Variants in ZNF75D observed in about 807,000 individuals in gnomAD.
The protein encoded by ZNF75D is zinc finger protein 75D.
In ZNF75D, 33 loss-of-function variants were observed where a neutral mutation model predicts 33.3. The ratio of observed to expected loss-of-function variants is 0.99; its 90% CI spans 0.75 to 1.32. ZNF75D has a LOEUF of 1.32. Ranked by LOEUF, ZNF75D falls within the 40% of genes most tolerant of loss-of-function variation. The pLI is 0.00. For synonymous variants in ZNF75D, 113 were observed against 130.6 expected, an observed-to-expected ratio of 0.87 and a Z score of 0.92; for missense variants, 338 against 367.5, an observed-to-expected ratio of 0.92 and a Z score of 0.66.
At chrX:135,305,768 C>T (rs1305777952) in intron 1 of ZNF75D, among the ~76,000 whole-genome samples, 1 of 110,972 alleles carries the variant, frequency 9.0e-6, no homozygotes, top group Non-Finnish European at 1.9e-5. Flanking sequence ...CACCCCCAGA[C>T]TCTGCAATGT....
intron 2 of ZNF75D, chrX:135,252,625 AT>A (rs1301620493): frequency 1.2e-5 from 1 of 81,590 alleles, no homozygotes; most frequent in Non-Finnish European, 2.3e-5. Context: ...GGCAAATCCT[AT>A]TTGAAGCTAA....
At chrX:135,303,287 T>C (rs11799010) in intron 1 of ZNF75D, among the ~76,000 whole-genome samples, 27,492 of 109,563 alleles carry the variant, frequency 0.25, 2,816 homozygotes, top group South Asian at 0.43. Flanking sequence ...AGACCCTTCA[T>C]GGGTGTCGGG....
At chrX:135,308,300 G>A (rs2084313958) in intron 1 of ZNF75D, among the ~76,000 whole-genome samples, 1 of 112,213 alleles carries the variant, frequency 8.9e-6, no homozygotes, top group East Asian at 2.8e-4. Flanking sequence ...AAGAAGTCAT[G>A]TTTCCTCTCA....
chrX:135,344,012 G>A lies in ZNF75D; in HGVS notation c.-2635C>T, dbSNP rs1161280160. 8.9e-6 allele frequency: 1 copy of A among 112,482 alleles called. No individual in the cohort carries two copies. Among genetic ancestry groups the A allele is most frequent in the African/African-American group, 3.2e-5 (1 of 30,954 alleles). The allele number at this position is 112,482 out of a possible 1,213,427, so 9.3% of individuals were successfully genotyped here. A position where few individuals can be genotyped will look rare whatever the true frequency, so the allele number is the denominator to read the frequency against. On this transcript the variant is annotated 5_prime_UTR_variant, in exon 1 of 7. Coordinates refer to ENST00000370766, the MANE Select transcript of ZNF75D (RefSeq NM_007131.5). ...ACACGCAGAAAGTCCTAGCACGGAAGTTTGGCGTCCACAGACCAATTTGTC... is the reference window on the plus strand; with the variant it reads ...ACACGCAGAAAGTCCTAGCACGGAAATTTGGCGTCCACAGACCAATTTGTC...
Position 135,287,102 on chromosome X carries a change from C to A in ZNF75D, c.*35G>T. 9.1e-7 allele frequency: 1 copy of A among 1,103,174 alleles called. No homozygotes were observed. The highest frequency in any genetic ancestry group is 2.9e-5 in the Admixed American group (1 of 34,514). 90.9% of individuals were successfully genotyped at this position (1,103,174 alleles called of 1,213,427 possible). On this transcript the variant is annotated 3_prime_UTR_variant, in exon 7 of 7. Transcript: ENST00000370766. ...GCCTCATAATTTTGTATTCTTTCAC[C>A]ACTTCTAAAGTCAAGCTCTACATGG...
chrX:135,338,095 C>T (rs1474531943), intron 1 of ZNF75D, among the ~76,000 whole-genome samples: 2 of 111,155 alleles, frequency 1.8e-5, no homozygotes, highest in African/African-American at 3.3e-5. Flanking sequence ...ATCAGAGACA[C>T]AATGAGCAGA....
intron 1 of ZNF75D, among the ~76,000 whole-genome samples, chrX:135,257,817 A>G (rs2083812965): frequency 8.9e-6 from 1 of 111,839 alleles, no homozygotes; most frequent in Non-Finnish European, 1.9e-5. Flanking sequence ...TTTTATTATT[A>G]TTATTATCAT....
chrX:135,270,309 A>G (rs950346690), intron 1 of ZNF75D, among the ~76,000 whole-genome samples: 10 of 97,834 alleles, frequency 1.0e-4, no homozygotes, highest in Non-Finnish European at 1.7e-4. Flanking sequence ...CCAATTGTTC[A>G]TGATGTAATT....
chrX:135,257,642 C>T (rs1247974894), intron 1 of ZNF75D, among the ~76,000 whole-genome samples: 1 of 112,606 alleles, frequency 8.9e-6, no homozygotes, highest in African/African-American at 3.2e-5. Context: ...GTGATGGCTT[C>T]ACGTCAGGCC....
chrX:135,293,949 A>C lies in ZNF75D; in HGVS notation c.192T>G (p.Leu64=), dbSNP rs1556422019. The C allele has an allele frequency of 1.7e-6, 2 of 1,211,501 alleles. No homozygotes were observed. Among genetic ancestry groups the C allele is most frequent in the Non-Finnish European group, 2.2e-6 (2 of 895,267 alleles). The change falls in exon 3 of 7, where the codon CTT becomes CTG. Residue 64 remains leucine, a synonymous_variant. Coordinates refer to ENST00000370766, the MANE Select transcript of ZNF75D (RefSeq NM_007131.5). ...ATTTCTGAAGTTGGCTGATAGTCTC[A>C]AGCGGTCCGGTTGCTTCATGATAAC... ...SFRYHEATGP[L]ETISQLQKLC...
At chrX:135,250,501 G>T (rs2083777603) in intron 3 of ZNF75D, among the ~76,000 whole-genome samples, 1 of 107,332 alleles carries the variant, frequency 9.3e-6, no homozygotes, top group South Asian at 4.0e-4. Context: ...GTGCCAAAAA[G>T]ATTCTGACAC....
chrX:135,307,943 A>C lies in ZNF75D; in HGVS notation c.-390-11904T>G, dbSNP rs782568119. ...CTACCCAGGGAACCTGGCAAGATGC[A>C]GTGGGTGCTGTAATCTACACAAAGG... On this transcript the variant is annotated intron_variant, in intron 1 of 6. Coordinates refer to ENST00000370766, the MANE Select transcript of ZNF75D (RefSeq NM_007131.5). Among the ~76,000 whole-genome samples the C allele has an allele frequency of 3.6e-5, 4 of 112,514 alleles. No homozygotes were observed. The East Asian group carries it at 1.1e-3, about 32-fold the overall frequency.
chrX:135,325,558 G>A (rs1443179388), intron 1 of ZNF75D, among the ~76,000 whole-genome samples: 2 of 112,260 alleles, frequency 1.8e-5, no homozygotes, highest in East Asian at 2.9e-4. Flanking sequence ...GCAGCCGGCC[G>A]GCCCTGCCGG....
At chrX:135,284,693 G>C (rs1258610139), downstream of ZNF75D, among the ~76,000 whole-genome samples, 1 of 111,915 alleles carries the variant, frequency 8.9e-6, no homozygotes, top group South Asian at 3.8e-4. Context: ...CATGTTCCCT[G>C]CTCTCAAACC....
intron 1 of ZNF75D, among the ~76,000 whole-genome samples, chrX:135,334,197 G>A (rs1416176731): frequency 8.9e-6 from 1 of 111,860 alleles, no homozygotes; most frequent in Non-Finnish European, 1.9e-5. Flanking sequence ...ATCTGTAAAT[G>A]ATTTTTTGGT....
intron 1 of ZNF75D, among the ~76,000 whole-genome samples, chrX:135,262,181 T>TC (rs782708866): frequency 5.3e-5 from 6 of 112,278 alleles, no homozygotes; most frequent in Non-Finnish European, 1.1e-4. Context: ...CTGATGGGCT[T>TC]CCCTTTGTGG....
intron 1 of ZNF75D, among the ~76,000 whole-genome samples, chrX:135,318,075 A>G (rs2084444519): frequency 1.0e-5 from 1 of 96,860 alleles, no homozygotes; most frequent in African/African-American, 3.9e-5. Context: ...GGCTTGATAT[A>G]TATATATATA....
At chrX:135,318,070 G>GATAT (rs1556432533) in intron 1 of ZNF75D, among the ~76,000 whole-genome samples, 8 of 92,262 alleles carry the variant, frequency 8.7e-5, no homozygotes, top group Admixed American at 1.2e-4. Context: ...GCAATGGCTT[G>GATAT]ATATATATAT....
chrX:135,320,618 G>A (rs978036304), intron 1 of ZNF75D, among the ~76,000 whole-genome samples: 11 of 111,447 alleles, frequency 9.9e-5, no homozygotes, highest in African/African-American at 3.3e-4. Flanking sequence ...ATCCATATTA[G>A]GTAACTTTTT....
Sources: gnomAD v4.1 joint callset for allele counts (sites outside exome capture counted in the v4.1 genomes callset) on GRCh38, gnomAD v4.1.1 for gene constraint, MANE v1.5 for transcripts, NCBI Gene and HGNC (gene_info 2026-07-23, HGNC 2026-07-21) for gene names.